The following ABCB11 variants were observed in gnomAD, a reference collection of about 807,000 sequenced individuals.
The protein encoded by ABCB11 is bile salt export pump.
Under a neutral mutation model 148.0 loss-of-function variants are expected in ABCB11, and 95 were observed. That is an observed-to-expected ratio of 0.64 (90% CI 0.54 to 0.76). The LOEUF is 0.76. ABCB11 is among the 30% of genes least tolerant of loss of function. The probability of loss-of-function intolerance (pLI) is 0.00; values close to 1 mark genes in which losing one functional copy is unlikely to be tolerated. For missense variants in ABCB11, 1,523 were observed against 1,617.8 expected (o/e 0.94, Z 1.01); for synonymous variants, 591 against 555.4 (o/e 1.06, Z -0.90).
intron 5 of ABCB11, among the ~76,000 whole-genome samples, chr2:169,009,200 C>G (rs1695106600): frequency 6.6e-6 from 1 of 152,034 alleles, no homozygotes; most frequent in Non-Finnish European, 1.5e-5. Flanking sequence ...TCTAGAAATA[C>G]CATTTGACCC....
At chr2:169,023,301 G>T (rs1394612143) in intron 1 of ABCB11, among the ~76,000 whole-genome samples, 1 of 152,124 alleles carries the variant, frequency 6.6e-6, no homozygotes, top group Non-Finnish European at 1.5e-5. Flanking sequence ...TACATGCTAT[G>T]CCATAAAACC....
intron 21 of ABCB11, among the ~76,000 whole-genome samples, chr2:168,939,947 C>T (rs947725970): frequency 6.6e-6 from 1 of 151,992 alleles, no homozygotes; most frequent in Non-Finnish European, 1.5e-5. Context: ...TTTTAGAGCA[C>T]CACGAACCAC....
chr2:168,981,964 T>C (rs1694149725), intron 10 of ABCB11, among the ~76,000 whole-genome samples: 1 of 152,114 alleles, frequency 6.6e-6, no homozygotes, highest in Admixed American at 6.6e-5. Flanking sequence ...AAGTTTGGGG[T>C]CCAACTCTTT....
Position 168,935,434 on chromosome 2 carries a change from T to C in ABCB11, c.2815-9A>G, listed in dbSNP as rs938103665. On this transcript the variant is annotated splice_polypyrimidine_tract_variant and intron_variant, in intron 22 of 27. Transcript: ENST00000650372. ...AGGGCTTCATTTGTAATCTGAAGAT[T>C]GAAAAAGAGTCTTAGGAATACAAGG... 4.4e-6 allele frequency: 7 copies of C among 1,605,046 alleles called. No individual in the cohort carries two copies. Among genetic ancestry groups the C allele is most frequent in the African/African-American group, 1.3e-5 (1 of 74,376 alleles).
chr2:168,941,767 T>G (rs1173156190), intron 21 of ABCB11, among the ~76,000 whole-genome samples: 1 of 152,036 alleles, frequency 6.6e-6, no homozygotes, highest in Non-Finnish European at 1.5e-5. Flanking sequence ...ACAGTTGTCT[T>G]ATAAGATATT....
chr2:168,921,572 C>A lies in ABCB11; in HGVS notation c.*2050G>T, dbSNP rs960258583. ...CTTGACCCATTGAACACATTTATTA[C>A]CATTTTTTGAGTGTTTTTCTAATCA... On this transcript the variant is annotated 3_prime_UTR_variant, in exon 28 of 28. Coordinates refer to ENST00000650372, the MANE Select transcript of ABCB11 (RefSeq NM_003742.4). 6.6e-6 allele frequency among the ~76,000 whole-genome samples: 1 copy of A among 152,094 alleles called. No individual in the cohort carries two copies. The highest frequency in any genetic ancestry group is 1.5e-5 in the Non-Finnish European group (1 of 68,014).
At position 168,921,249 on chromosome 2, in the gene ABCB11, C is replaced by T. The variant is rs952319905; in HGVS notation, c.*2373G>A. 5.3e-5 allele frequency among the ~76,000 whole-genome samples: 8 copies of T among 152,284 alleles called. No individual in the cohort carries two copies. Among genetic ancestry groups the T allele is most frequent in the Admixed American group, 3.3e-4 (5 of 15,298 alleles). ...CAGTTAACTTGCTAAACCATCTTTG[C>T]TGTTATATACCAGGAAACACTGGAA... On this transcript the variant is annotated 3_prime_UTR_variant, in exon 28 of 28. Transcript: ENST00000650372.
rs149905026 is a variant in ABCB11 at position 168,922,356 on chromosome 2, T to G, written c.*1266A>C. ...CTCCTCAGAGAGGGAGTATGCAGTT[T>G]CTCGCTGGAACTGGGGAAAGGCAGC... On this transcript the variant is annotated 3_prime_UTR_variant, in exon 28 of 28. Coordinates refer to ENST00000650372, the MANE Select transcript of ABCB11 (RefSeq NM_003742.4). 7.5e-3 allele frequency among the ~76,000 whole-genome samples: 1,141 copies of G among 152,216 alleles called. 13 individuals are homozygous for G. Among genetic ancestry groups the G allele is most frequent in the African/African-American group, 0.025 (1,058 of 41,516 alleles).
At chr2:168,953,452 C>CTTTT (rs35351007) in intron 19 of ABCB11, among the ~76,000 whole-genome samples, 1 of 142,666 alleles carries the variant, frequency 7.0e-6, no homozygotes, top group African/African-American at 2.6e-5. Flanking sequence ...ATTATCTTGT[C>CTTTT]TTTTTTTTTT....
At chr2:168,969,241 G>T in intron 16 of ABCB11, 109 bp downstream of exon 16, 1 of 1,030,862 alleles carries the variant, frequency 9.7e-7, no homozygotes, top group Non-Finnish European at 1.4e-6. Context: ...TATAACGCCT[G>T]CCAGAGTTGT....
rs1364382228 is a variant in ABCB11, at chr2:168,970,185, C to T, written c.1669G>A (p.Gly557Ser). Residue 557 changes from glycine (G) to serine (S), a missense_variant, in exon 15 of 28, where the codon GGC becomes AGC. Transcript: ENST00000650372. ...QFDTLVGEGG[G>S]QMSGGQKQRV... ...TGTTTCTGGCCACCACTCATCTGGC[C>T]TCCTCCTTCTCCAACAAGGGTGTCA... 21 of 1,612,202 alleles carry T rather than the reference C, an allele frequency of 1.3e-5. No homozygotes were observed. Among genetic ancestry groups the T allele is most frequent in the Non-Finnish European group, 1.7e-5 (20 of 1,179,002 alleles).
intron 5 of ABCB11, among the ~76,000 whole-genome samples, chr2:168,999,203 GT>G (rs1369524901): frequency 2.6e-5 from 4 of 151,632 alleles, no homozygotes; most frequent in Non-Finnish European, 4.4e-5. Context: ...ATAAAGAGAC[GT>G]TTTACAAATT....
At chr2:168,974,275 C>T (rs1022061441) in intron 12 of ABCB11, among the ~76,000 whole-genome samples, 3 of 151,868 alleles carry the variant, frequency 2.0e-5, no homozygotes, top group African/African-American at 2.4e-5. Flanking sequence ...AGGAAATTTG[C>T]GGATTTTAAG....
At chr2:169,010,762 A>G (rs1695157369) in intron 5 of ABCB11, among the ~76,000 whole-genome samples, 2 of 152,176 alleles carry the variant, frequency 1.3e-5, no homozygotes, top group Admixed American at 6.5e-5. Context: ...CATGTTATTC[A>G]GAATAGAACA....
rs576837439 is a variant in ABCB11, at chr2:169,014,874, T to G, written c.99-520A>C. 2.3e-4 allele frequency among the ~76,000 whole-genome samples: 35 copies of G among 152,322 alleles called. 1 individual carries two copies. In the South Asian group the frequency reaches 7.3e-3, roughly 32 times the overall value. ...ATTCATTTCATTTCCCATAAGGCCA[T>G]GTTTAACCTGTATTTGACCTCTTCA... On this transcript the variant is annotated intron_variant, in intron 3 of 27. Coordinates refer to ENST00000650372, the MANE Select transcript of ABCB11 (RefSeq NM_003742.4).
intron 21 of ABCB11, among the ~76,000 whole-genome samples, 153 bp from the exon 22 acceptor site, chr2:168,936,586 G>A (rs1327996715): frequency 6.6e-6 from 1 of 152,092 alleles, no homozygotes; most frequent in Non-Finnish European, 1.5e-5. Flanking sequence ...CAATTCAGTG[G>A]CATTTCACAA....
intron 25 of ABCB11, among the ~76,000 whole-genome samples, chr2:168,928,229 T>G (rs1174514193): frequency 5.9e-5 from 9 of 152,220 alleles, no homozygotes; most frequent in Admixed American, 5.2e-4. Context: ...CTTGCTCTAC[T>G]CATTTTCCAT....
chr2:168,970,227 G>A lies in ABCB11; in HGVS notation c.1639-12C>T, dbSNP rs1558895194. Reference sequence around the variant, plus strand: ...AGGGTGTCAAATTGCTAGATGGAAGGTGACACCAGTCATGAAGGGAAAAGA... The same window carrying A: ...AGGGTGTCAAATTGCTAGATGGAAGATGACACCAGTCATGAAGGGAAAAGA... On this transcript the variant is annotated splice_polypyrimidine_tract_variant and intron_variant, in intron 14 of 27. Transcript: ENST00000650372. 1.2e-6 allele frequency: 2 copies of A among 1,608,994 alleles called. No homozygotes were observed. Among genetic ancestry groups the A allele is most frequent in the Non-Finnish European group, 1.7e-6 (2 of 1,177,180 alleles).
At chr2:168,982,891 GA>G (rs1330185628) in intron 10 of ABCB11, among the ~76,000 whole-genome samples, 49 of 152,252 alleles carry the variant, frequency 3.2e-4, no homozygotes, top group African/African-American at 1.2e-3. Context: ...GAGGCTTACA[GA>G]AAGACGTTGG....
Sources: gnomAD v4.1 joint callset for allele counts (sites outside exome capture counted in the v4.1 genomes callset) on GRCh38, gnomAD v4.1.1 for gene constraint, MANE v1.5 for transcripts, NCBI Gene and HGNC (gene_info 2026-07-23, HGNC 2026-07-21) for gene names.